Variants in RHBG observed in about 807,000 individuals in gnomAD.
The protein encoded by RHBG is Rh family B glycoprotein, also known as ammonium transporter Rh type B.
In RHBG, 39 loss-of-function variants were observed where a neutral mutation model predicts 40.1. That is an observed-to-expected ratio of 0.97 (90% confidence interval 0.75 to 1.27). The LOEUF (loss-of-function observed/expected upper bound fraction) is 1.27. Ranked by LOEUF, RHBG falls within the 50% of genes most tolerant of loss-of-function variation. The pLI is 0.00. For missense variants in RHBG, 549 were observed against 588.1 expected, an observed-to-expected ratio of 0.93 and a Z score of 0.69; for synonymous variants, 237 against 252.5, an observed-to-expected ratio of 0.94 and a Z score of 0.58.
chr1:156,371,803 G>A (rs1342130739), intron 1 of RHBG: 1 of 152,410 alleles, frequency 6.6e-6, no homozygotes, highest in Non-Finnish European at 1.5e-5. Context: ...TTATTACAAA[G>A]CTTTCCCTGG....
chr1:156,385,048 G>T lies in RHBG; in HGVS notation c.*203G>T. 1 of 539,324 alleles carries T rather than the reference G, an allele frequency of 1.9e-6. No individual in the cohort carries two copies. Among genetic ancestry groups the T allele is most frequent in the Non-Finnish European group, 3.3e-6 (1 of 299,914 alleles). The allele number at this position is 539,324 out of a possible 1,614,324, so 33.4% of individuals were successfully genotyped here. A position where few individuals can be genotyped will look rare whatever the true frequency, so the allele number is the denominator to read the frequency against. ...ATGGTGGGGAGTGGGGCCGTAACTG[G>T]GTACAATAGGGGGAACCTCACCAGA... On this transcript the variant is annotated 3_prime_UTR_variant, in exon 10 of 10. Coordinates refer to ENST00000537040, the MANE Select transcript of RHBG (RefSeq NM_020407.5).
chr1:156,378,986 GCTT>G (rs1347160872), intron 4 of RHBG, among the ~76,000 whole-genome samples: 19 of 150,652 alleles, frequency 1.3e-4, no homozygotes, highest in African/African-American at 2.9e-4. Flanking sequence ...ACCACCTGCT[GCTT>G]CTTCTTCTTT....
chr1:156,369,226 C>T lies in RHBG; in HGVS notation c.-24C>T, dbSNP rs777356074. The T allele has an allele frequency of 3.9e-5, 63 of 1,605,622 alleles. No homozygotes were observed. Among genetic ancestry groups the T allele is most frequent in the Admixed American group, 2.4e-4 (14 of 58,772 alleles). On this transcript the variant is annotated 5_prime_UTR_variant, in exon 1 of 10. Coordinates refer to ENST00000537040, the MANE Select transcript of RHBG (RefSeq NM_020407.5). The stretch of plus-strand genomic sequence containing the variant: ...AATTGTCTGCCAAAGCCTGCGAGCG[C>T]CAGCCGAGATCGCAGCCCAACCCAT...
Position 156,381,790 on chromosome 1 carries a change from C to G in RHBG, c.841-16C>G, listed in dbSNP as rs779650599. 1.3e-6 allele frequency: 2 copies of G among 1,576,722 alleles called. No homozygotes were observed. The highest frequency in any genetic ancestry group is 4.5e-5 in the East Asian group (2 of 44,596). On this transcript the variant is annotated splice_polypyrimidine_tract_variant and intron_variant, in intron 5 of 9. Transcript: ENST00000537040. ...GACAATCTGAAAGGGCCTCCAACACCTTGCTCTTCCCTTAGGTCCACATCC... is the reference window on the plus strand; with the variant it reads ...GACAATCTGAAAGGGCCTCCAACACGTTGCTCTTCCCTTAGGTCCACATCC...
chr1:156,378,470 GTC>G (rs892609782), intron 4 of RHBG, 71 bp downstream of exon 4: 1 of 1,504,248 alleles, frequency 6.6e-7, no homozygotes, highest in African/African-American at 1.4e-5. Flanking sequence ...AGAGGTGACT[GTC>G]TCTCGGGGTG....
chr1:156,378,215 T>TGGGGGC (rs1667361127), intron 3 of RHBG, 37 bp from the exon 4 acceptor site: 1 of 173,104 alleles, frequency 5.8e-6, no homozygotes, highest in Non-Finnish European at 9.4e-6. Context: ...AGCGTGGGGG[T>TGGGGGC]GGGGGCGGGG....
At chr1:156,383,505 A>AC (rs2101809168) in intron 8 of RHBG, among the ~76,000 whole-genome samples, 1 of 152,224 alleles carries the variant, frequency 6.6e-6, no homozygotes, top group Non-Finnish European at 1.5e-5. Flanking sequence ...CAGACTCCTG[A>AC]CCTTAGGTGA....
Position 156,377,157 on chromosome 1 carries a change from C to A in RHBG, c.188-144C>A, listed in dbSNP as rs1667259487. On this transcript the variant is annotated intron_variant, in intron 1 of 9. Coordinates refer to ENST00000537040, the MANE Select transcript of RHBG (RefSeq NM_020407.5). This position sits in a 1 kb window ranked among gnomAD's most constrained non-coding sequence, Gnocchi z 4.6. ...GCAGGTGGCTCAGGGCTGGGAGCCC[C>A]TGACATGCCTGGGGAGTTTTATAGG... is the stretch of plus-strand genomic sequence containing the variant. 2 of 917,888 alleles carry A rather than the reference C, an allele frequency of 2.2e-6. No individual in the cohort carries two copies. The highest frequency in any genetic ancestry group is 2.3e-5 in the Admixed American group (1 of 42,986). The allele number at this position is 917,888 out of a possible 1,614,324, so 56.9% of individuals were successfully genotyped here. A position where few individuals can be genotyped will look rare whatever the true frequency, so the allele number is the denominator to read the frequency against.
chr1:156,371,369 A>G (rs1014678902), intron 1 of RHBG: 1 of 306,832 alleles, frequency 3.3e-6, no homozygotes, highest in African/African-American at 2.3e-5. Context: ...CATGTTGGCC[A>G]GGCTGGTCTT....
In RHBG at chr1:156,371,326, A is replaced by T. The variant is rs79610967; in HGVS notation, c.187+1890A>T. 0.015 allele frequency: 4,818 copies of T among 313,710 alleles called. 245 individuals carry two copies. In the East Asian group the frequency reaches 0.18, roughly 12 times the overall value. The allele number at this position is 313,710 out of a possible 1,614,324, so 19.4% of individuals were successfully genotyped here. Reference sequence around the variant, plus strand: ...AGGCACCCACCAAAACACCTAGATAAGTTTTGTATTTTTAGTAGAGATGAG... The same window carrying T: ...AGGCACCCACCAAAACACCTAGATATGTTTTGTATTTTTAGTAGAGATGAG... On this transcript the variant is annotated intron_variant, in intron 1 of 9. Coordinates refer to ENST00000537040, the MANE Select transcript of RHBG (RefSeq NM_020407.5).
At chr1:156,382,484 G>A in intron 7 of RHBG, 1 of 633,068 alleles carries the variant, frequency 1.6e-6, no homozygotes, top group Non-Finnish European at 2.7e-6. Flanking sequence ...TGCACATCAA[G>A]GGTGGGCAAA....
rs193259679 is a variant in RHBG, at chr1:156,374,840, C to T, written c.188-2461C>T. Reference sequence around the variant, plus strand: ...ACCTCAGGTGATCTGCCTGCCTCGGCCTCCCAAAGTGCTGGGATTACAGGC... The same window carrying T: ...ACCTCAGGTGATCTGCCTGCCTCGGTCTCCCAAAGTGCTGGGATTACAGGC... On this transcript the variant is annotated intron_variant, in intron 1 of 9. Transcript: ENST00000537040. 2.8e-4 allele frequency: 72 copies of T among 259,296 alleles called. 1 individual carries two copies. The Admixed American group carries it at 3.4e-3, about 12-fold the overall frequency. The allele number at this position is 259,296 out of a possible 1,614,324, so 16.1% of individuals were successfully genotyped here.
At chr1:156,378,176 G>A (rs1450317385) in intron 3 of RHBG, 36 bp downstream of exon 3, 1 of 1,598,904 alleles carries the variant, frequency 6.3e-7, no homozygotes, top group East Asian at 2.2e-5. Flanking sequence ...CGGGGGTGGG[G>A]GGTGGTCAAG....
chr1:156,372,061 G>A (rs939341815), intron 1 of RHBG, among the ~76,000 whole-genome samples: 2 of 152,242 alleles, frequency 1.3e-5, no homozygotes, highest in African/African-American at 4.8e-5. Flanking sequence ...AAGGGAAGGG[G>A]TCAGGGCCAG....
At chr1:156,371,241 C>A (rs777165584) in intron 1 of RHBG, 2 of 376,732 alleles carry the variant, frequency 5.3e-6, no homozygotes, top group Non-Finnish European at 1.0e-5. Flanking sequence ...CTCACTGCAA[C>A]CTTCACCTCC....
intron 8 of RHBG, among the ~76,000 whole-genome samples, chr1:156,383,828 A>C (rs1305375091): frequency 2.0e-5 from 2 of 101,830 alleles, no homozygotes; most frequent in Non-Finnish European, 3.7e-5. Context: ...CGCCCGGCCT[A>C]TTTTTTTTTT....
chr1:156,377,926 G>C lies in RHBG; in HGVS notation c.375-64G>C. Reference sequence around the variant, plus strand: ...ATCATGCTGTCCTGGCTTCATGCCAGGCAGGAACCCCGAGGCCAGCCTCTC... The same window carrying C: ...ATCATGCTGTCCTGGCTTCATGCCACGCAGGAACCCCGAGGCCAGCCTCTC... On this transcript the variant is annotated intron_variant, in intron 2 of 9. Coordinates refer to ENST00000537040, the MANE Select transcript of RHBG (RefSeq NM_020407.5). This position sits in a 1 kb window ranked among gnomAD's most constrained non-coding sequence, Gnocchi z 4.6. 1 of 1,429,558 alleles carries C rather than the reference G, an allele frequency of 7.0e-7. No homozygotes were observed. Among genetic ancestry groups the C allele is most frequent in the Non-Finnish European group, 9.4e-7 (1 of 1,060,378 alleles). 88.6% of individuals were successfully genotyped at this position (1,429,558 alleles called of 1,614,324 possible).
At chr1:156,372,343 C>A (rs1232614258) in intron 1 of RHBG, among the ~76,000 whole-genome samples, 1 of 151,988 alleles carries the variant, frequency 6.6e-6, no homozygotes, top group Non-Finnish European at 1.5e-5. Context: ...GTGGCCTTCC[C>A]CCTACACTAC....
intron 1 of RHBG, among the ~76,000 whole-genome samples, chr1:156,369,822 A>G (rs1666719893): frequency 1.3e-5 from 2 of 152,140 alleles, no homozygotes; most frequent in South Asian, 4.1e-4. Flanking sequence ...GGGCTGTTCC[A>G]GAGACTGCCT....
Sources: gnomAD v4.1 joint callset for allele counts (sites outside exome capture counted in the v4.1 genomes callset) on GRCh38, gnomAD v4.1.1 for gene constraint, Gnocchi (gnomAD v3.1) non-coding constraint, MANE v1.5 for transcripts, NCBI Gene and HGNC (gene_info 2026-07-23, HGNC 2026-07-21) for gene names.